PDZD2: variants seen among roughly 807,000 people sequenced by gnomAD.
The protein encoded by PDZD2 is PDZ domain containing 2.
Under a neutral mutation model 220.7 loss-of-function variants are expected in PDZD2, and 90 were observed. That is an observed-to-expected ratio of 0.41 (90% CI 0.34 to 0.49). The LOEUF is 0.49. Ranked by LOEUF, PDZD2 falls within the 20% of genes least tolerant of loss-of-function variation. The pLI is 0.28. For synonymous variants in PDZD2, 1,375 were observed against 1,450.5 expected, an observed-to-expected ratio of 0.95 and a Z score of 1.18; for missense variants, 3,174 against 3,608.5, an observed-to-expected ratio of 0.88 and a Z score of 3.08.
intron 17 of PDZD2, among the ~76,000 whole-genome samples, chr5:32,073,290 G>A (rs914056002): frequency 3.3e-5 from 5 of 152,122 alleles, no homozygotes; most frequent in Middle Eastern, 3.2e-3. Context: ...TATAAAAATC[G>A]TTGCAGATTC....
chr5:32,023,506 G>A (rs1754391244), intron 6 of PDZD2, among the ~76,000 whole-genome samples: 1 of 152,210 alleles, frequency 6.6e-6, no homozygotes, highest in African/African-American at 2.4e-5. Context: ...ACTTAGCAAA[G>A]TATGTACATT....
intron 2 of PDZD2, among the ~76,000 whole-genome samples, chr5:31,848,499 A>G (rs1354629989): frequency 1.3e-5 from 2 of 152,258 alleles, no homozygotes; most frequent in African/African-American, 4.8e-5. Flanking sequence ...CTGTAATCCC[A>G]GCACTTTGGG....
rs769882738 is a variant in PDZD2 at position 31,799,178 on chromosome 5, C to T, written c.-71C>T. ...GATGATGGCCAGGGACCCCAGGGGA[C>T]GTGGGGCCCTGTGGGGTCTGGCCCC... On this transcript the variant is annotated 5_prime_UTR_variant, in exon 2 of 25. It adds an upstream start codon to the 5' untranslated region. Transcript: ENST00000438447. The T allele has an allele frequency of 4.6e-5, 47 of 1,018,432 alleles. No individual in the cohort carries two copies. Among genetic ancestry groups the T allele is most frequent in the Middle Eastern group, 3.2e-4 (1 of 3,104 alleles). The allele number at this position is 1,018,432 out of a possible 1,614,324, so 63.1% of individuals were successfully genotyped here.
chr5:31,790,424 C>G (rs1001141691), intron 1 of PDZD2, among the ~76,000 whole-genome samples: 1 of 151,984 alleles, frequency 6.6e-6, no homozygotes, highest in Non-Finnish European at 1.5e-5. Flanking sequence ...CATTCACTGT[C>G]CACCATGGCC....
chr5:31,801,207 A>C (rs1279559985), intron 2 of PDZD2, among the ~76,000 whole-genome samples: 1 of 151,992 alleles, frequency 6.6e-6, no homozygotes, highest in Non-Finnish European at 1.5e-5. Context: ...TGCAGTAGAC[A>C]CTCTCACCAG....
chr5:32,071,130 C>T (rs1308604926), intron 15 of PDZD2, among the ~76,000 whole-genome samples: 3 of 152,178 alleles, frequency 2.0e-5, no homozygotes, highest in African/African-American at 4.8e-5. Context: ...GAAGAAATTA[C>T]TTCTAACTGG....
intron 2 of PDZD2, among the ~76,000 whole-genome samples, chr5:31,889,409 C>T (rs1740810118): frequency 6.6e-6 from 1 of 152,142 alleles, no homozygotes; most frequent in Non-Finnish European, 1.5e-5. Context: ...TCAAGTTGGC[C>T]ATTTTCTGGT....
At chr5:31,955,454 C>T (rs1747576607) in intron 2 of PDZD2, among the ~76,000 whole-genome samples, 1 of 152,010 alleles carries the variant, frequency 6.6e-6, no homozygotes, top group African/African-American at 2.4e-5. Flanking sequence ...GCATGCACCA[C>T]CACGCCCAGC....
intron 5 of PDZD2, among the ~76,000 whole-genome samples, chr5:32,001,159 G>C (rs1407927848): frequency 2.0e-5 from 3 of 152,274 alleles, no homozygotes; most frequent in Admixed American, 1.3e-4. Context: ...CTGGTCTCTG[G>C]TGCCAAAAAG....
rs796781799 is a variant in PDZD2 at position 32,098,484 on chromosome 5, G to T, written c.8068G>T (p.Val2690Phe). ...CTTAGCCCACGGGAATGTCCTGAAG[G>T]TTCTGCACCAGGCACAGCTGCACAA... ...AGLAHGNVLKVLHQAQLHKDA... is the reference protein window; with the variant it reads ...AGLAHGNVLKFLHQAQLHKDA... The change falls in exon 23 of 25, where the codon GTT becomes TTT. Residue 2690 changes from valine to phenylalanine, a missense_variant. Physicochemically the swap from Val to Phe is conservative, Grantham distance 50 (BLOSUM62 -1). This residue lies in a region of PDZD2 where 631 missense variants were observed against 789.9 expected (regional missense o/e 0.80). Transcript: ENST00000438447. This position sits in a 1 kb window ranked among gnomAD's most constrained non-coding sequence, Gnocchi z 4.1. The T allele has an allele frequency of 6.2e-7, 1 of 1,614,064 alleles. No individual in the cohort carries two copies. Among genetic ancestry groups the T allele is most frequent in the Admixed American group, 1.7e-5 (1 of 60,008 alleles).
At chr5:32,063,106 G>A (rs1366089348) in intron 14 of PDZD2, among the ~76,000 whole-genome samples, 3 of 151,096 alleles carry the variant, frequency 2.0e-5, no homozygotes, top group African/African-American at 4.9e-5. Context: ...GTGCAGTTTC[G>A]TGATCTCGGC....
At chr5:31,703,991 T>TCTTTCCTTC (rs1554064674) in intron 1 of PDZD2, among the ~76,000 whole-genome samples, 1 of 150,778 alleles carries the variant, frequency 6.6e-6, no homozygotes, top group Non-Finnish European at 1.5e-5. Flanking sequence ...TTCCTTTCTT[T>TCTTTCCTTC]CCTTCCTTCC....
chr5:31,645,275 T>C lies in PDZD2; in HGVS notation c.-361+5838T>C, dbSNP rs1358009387. On this transcript the variant is annotated intron_variant, in intron 1 of 24. Coordinates refer to ENST00000438447, the MANE Select transcript of PDZD2 (RefSeq NM_178140.4). ...TTAACACAGTGATGCCCCAGACTGG[T>C]TCTTTGAGGTGTTTTAGCAGGAGTC... Among the ~76,000 whole-genome samples, 18 of 151,876 alleles carry C rather than the reference T, an allele frequency of 1.2e-4. 1 individual carries two copies. The highest frequency in any genetic ancestry group is 1.2e-3 in the Admixed American group (18 of 15,236).
intron 2 of PDZD2, among the ~76,000 whole-genome samples, chr5:31,978,339 G>A (rs1749967813): frequency 6.8e-6 from 1 of 146,600 alleles, no homozygotes; most frequent in Admixed American, 6.6e-5. Context: ...GTATGAAATA[G>A]TCAGAAGGGG....
intron 14 of PDZD2, among the ~76,000 whole-genome samples, chr5:32,063,034 T>TATTA (rs1364010143): frequency 6.8e-6 from 1 of 147,898 alleles, no homozygotes; most frequent in East Asian, 2.0e-4. Context: ...GAAATATTAT[T>TATTA]ATTATTATTA....
chr5:31,749,368 G>C lies in PDZD2; in HGVS notation c.-360-49521G>C, dbSNP rs563825847. 7.9e-5 allele frequency among the ~76,000 whole-genome samples: 12 copies of C among 151,952 alleles called. No homozygotes were observed. The South Asian group carries it at 2.3e-3, about 29-fold the overall frequency. On this transcript the variant is annotated intron_variant, in intron 1 of 24. Coordinates refer to ENST00000438447, the MANE Select transcript of PDZD2 (RefSeq NM_178140.4). ...TTAGCATGGCAGTAAATCTGGGGTAGACGTCTGTCTCCATTGTGCCTAGCT... is the reference window on the plus strand; with the variant it reads ...TTAGCATGGCAGTAAATCTGGGGTACACGTCTGTCTCCATTGTGCCTAGCT...
intron 2 of PDZD2, among the ~76,000 whole-genome samples, chr5:31,868,794 CAG>C (rs1738469540): frequency 2.6e-5 from 4 of 152,184 alleles, no homozygotes; most frequent in Admixed American, 1.3e-4. Flanking sequence ...GTTTTTGAGA[CAG>C]AGTCTTGCTC....
intron 2 of PDZD2, among the ~76,000 whole-genome samples, chr5:31,919,275 G>A (rs1389732817): frequency 6.6e-6 from 1 of 152,184 alleles, no homozygotes; most frequent in East Asian, 1.9e-4. Context: ...GGCATTGAAA[G>A]ATTCAGTTAT....
chr5:32,045,969 T>C (rs1737913162), intron 7 of PDZD2, among the ~76,000 whole-genome samples: 1 of 152,148 alleles, frequency 6.6e-6, no homozygotes, highest in African/African-American at 2.4e-5. Context: ...TTTAGGTAAA[T>C]TGAAATTTTA....
Sources: gnomAD v4.1 joint callset for allele counts (sites outside exome capture counted in the v4.1 genomes callset) on GRCh38, gnomAD v4.1.1 for gene constraint, gnomAD v4.1.1 regional missense constraint, Gnocchi (gnomAD v3.1) non-coding constraint, MANE v1.5 for transcripts, NCBI Gene and HGNC (gene_info 2026-07-23, HGNC 2026-07-21) for gene names.